Variants in TMEM232 observed in about 807,000 individuals in gnomAD.
TMEM232 encodes the protein transmembrane protein 232.
A neutral mutation model predicts 78.8 loss-of-function variants in TMEM232; 80 were observed. That is an observed-to-expected ratio of 1.01 (90% confidence interval 0.85 to 1.22). The LOEUF is 1.22. TMEM232 is among the 50% of genes most tolerant of loss of function. The pLI is 0.00. For synonymous variants in TMEM232, 297 were observed against 254.3 expected (o/e 1.17, Z -1.60); for missense variants, 881 against 742.2 (o/e 1.19, Z -2.17).
chr5:110,433,093 G>GA (rs1758043042), intron 12 of TMEM232, among the ~76,000 whole-genome samples: 1 of 151,676 alleles, frequency 6.6e-6, no homozygotes, highest in South Asian at 2.1e-4. Context: ...AGAAAACTAA[G>GA]AAATTATAAA....
intron 11 of TMEM232, among the ~76,000 whole-genome samples, chr5:110,533,010 C>G (rs367957918): frequency 1.3e-5 from 2 of 152,162 alleles, no homozygotes; most frequent in Non-Finnish European, 2.9e-5. Context: ...TTTTGCCTAT[C>G]CACCCTGTGG....
intron 1 of TMEM232, among the ~76,000 whole-genome samples, chr5:110,701,201 C>A (rs1795407249): frequency 6.6e-6 from 1 of 151,782 alleles, no homozygotes; most frequent in Non-Finnish European, 1.5e-5. Context: ...ATTCAAACAC[C>A]AAGTATTATA....
intron 1 of TMEM232, among the ~76,000 whole-genome samples, chr5:110,675,961 C>G (rs1186059433): frequency 2.6e-5 from 4 of 152,196 alleles, no homozygotes; most frequent in Admixed American, 2.6e-4. Flanking sequence ...CATCATCCTA[C>G]TCTCTGCTTC....
At chr5:110,568,775 A>C (rs1776612620) in intron 10 of TMEM232, 150 bp from the exon 11 acceptor site, 1 of 754,756 alleles carries the variant, frequency 1.3e-6, no homozygotes, top group Non-Finnish European at 2.0e-6. Flanking sequence ...CTGACCCTTC[A>C]CTGCTTTCTC....
intron 2 of TMEM232, among the ~76,000 whole-genome samples, chr5:110,664,047 G>A (rs111467192): frequency 0.013 from 1,994 of 152,120 alleles, 36 homozygotes; most frequent in African/African-American, 0.045. Flanking sequence ...GGCTGAAGCA[G>A]GAGGCTCTCT....
intron 1 of TMEM232, among the ~76,000 whole-genome samples, chr5:110,724,202 G>T (rs574653350): frequency 4.5e-4 from 68 of 152,100 alleles, no homozygotes; most frequent in African/African-American, 1.6e-3. Flanking sequence ...TATATCTTTC[G>T]ATATTCACAT....
intron 1 of TMEM232, among the ~76,000 whole-genome samples, chr5:110,714,459 C>T (rs1258520695): frequency 2.6e-5 from 4 of 152,160 alleles, no homozygotes; most frequent in Admixed American, 6.5e-5. Flanking sequence ...ATAGCCCACT[C>T]GAGGACATAT....
upstream of TMEM232, among the ~76,000 whole-genome samples, chr5:110,731,167 G>T (rs113128014): frequency 0.17 from 25,856 of 152,122 alleles, 3,168 homozygotes; most frequent in African/African-American, 0.35. Flanking sequence ...CTCCTTTGAT[G>T]CCAGGTCTCA....
chr5:110,687,650 G>C (rs534374738), intron 1 of TMEM232, among the ~76,000 whole-genome samples: 1 of 152,056 alleles, frequency 6.6e-6, no homozygotes, highest in East Asian at 1.9e-4. Flanking sequence ...GGTAGTTTTG[G>C]TTTCTATTAC....
chr5:110,717,478 G>C (rs1797129700), intron 1 of TMEM232, among the ~76,000 whole-genome samples: 1 of 152,086 alleles, frequency 6.6e-6, no homozygotes, highest in Non-Finnish European at 1.5e-5. Flanking sequence ...CCCATCATAA[G>C]TTGCTCAAAT....
intron 11 of TMEM232, among the ~76,000 whole-genome samples, chr5:110,555,952 C>T (rs556988867): frequency 6.6e-6 from 1 of 152,188 alleles, no homozygotes; most frequent in South Asian, 2.1e-4. Context: ...CCACTTTGTA[C>T]TTTTTAAGTG....
At chr5:110,464,022 T>C (rs984940952) in intron 12 of TMEM232, among the ~76,000 whole-genome samples, 14 of 152,226 alleles carry the variant, frequency 9.2e-5, no homozygotes, top group African/African-American at 3.4e-4. Context: ...TTAGCTCAAA[T>C]GCTACCTCCT....
intron 5 of TMEM232, among the ~76,000 whole-genome samples, chr5:110,632,726 G>GA (rs879306987): frequency 5.3e-5 from 8 of 151,328 alleles, no homozygotes; most frequent in Non-Finnish European, 1.0e-4. Context: ...TAATGAAAAA[G>GA]AAAAAAAACA....
At chr5:110,472,166 A>G (rs534180453) in intron 12 of TMEM232, among the ~76,000 whole-genome samples, 44 of 152,134 alleles carry the variant, frequency 2.9e-4, no homozygotes, top group African/African-American at 9.9e-4. Flanking sequence ...TCCACAAAAA[A>G]CTATTATAAC....
chr5:110,420,504 C>G lies in TMEM232; in HGVS notation c.*76G>C, dbSNP rs1041378105. 2 of 900,160 alleles carry G rather than the reference C, an allele frequency of 2.2e-6. No homozygotes were observed. Among genetic ancestry groups the G allele is most frequent in the East Asian group, 3.2e-5 (1 of 31,250 alleles). 55.8% of individuals were successfully genotyped at this position (900,160 alleles called of 1,614,324 possible). A position where few individuals can be genotyped will look rare whatever the true frequency, so the allele number is the denominator to read the frequency against. On this transcript the variant is annotated 3_prime_UTR_variant, in exon 14 of 14. Coordinates refer to ENST00000455884, the MANE Select transcript of TMEM232 (RefSeq NM_001039763.4). ...ACAAGAAAGTTCTCTTACTATGTAG[C>G]TATCTTGGTATTTTTCATCCTATGT...
At chr5:110,415,764 A>G (rs1756180496), downstream of TMEM232, among the ~76,000 whole-genome samples, 1 of 152,110 alleles carries the variant, frequency 6.6e-6, no homozygotes, top group African/African-American at 2.4e-5. Context: ...AGCAATATTC[A>G]AAGCATTACT....
chr5:110,497,934 A>G (rs775524353), intron 12 of TMEM232, among the ~76,000 whole-genome samples: 1 of 152,164 alleles, frequency 6.6e-6, no homozygotes, highest in Non-Finnish European at 1.5e-5. Context: ...TCACTCAAGT[A>G]TTAATTTGAA....
intron 8 of TMEM232, chr5:110,610,478 G>A (rs1466317095): frequency 2.3e-5 from 10 of 439,352 alleles, no homozygotes; most frequent in Non-Finnish European, 1.8e-5. Context: ...GAACACATAT[G>A]AACTATGAGT....
At chr5:110,676,153 T>G (rs1791996949) in intron 1 of TMEM232, among the ~76,000 whole-genome samples, 1 of 152,232 alleles carries the variant, frequency 6.6e-6, no homozygotes, top group South Asian at 2.1e-4. Flanking sequence ...ACTACATTTT[T>G]GTTATGCATT....
Sources: allele counts gnomAD v4.1 joint callset (sites outside exome capture counted in the v4.1 genomes callset), GRCh38; gene constraint gnomAD v4.1.1; transcripts MANE v1.5; gene names NCBI Gene and HGNC (gene_info 2026-07-23, HGNC 2026-07-21).